The following RAD51B variants were observed in gnomAD, a reference collection of about 807,000 sequenced individuals.
RAD51B encodes the protein RAD51 paralog B, also known as DNA repair protein RAD51 homolog 2.
Under a neutral mutation model 42.2 loss-of-function variants are expected in RAD51B, and 38 were observed. The ratio of observed to expected loss-of-function variants is 0.90; its 90% CI spans 0.70 to 1.18. RAD51B has a LOEUF of 1.18. Ranked by LOEUF, RAD51B falls within the 50% of genes most tolerant of loss-of-function variation. The pLI, the probability that RAD51B is intolerant of heterozygous loss-of-function variation, is 0.00. For synonymous variants in RAD51B, 154 were observed against 145.2 expected, an observed-to-expected ratio of 1.06 and a Z score of -0.43; for missense variants, 373 against 400.7, an observed-to-expected ratio of 0.93 and a Z score of 0.59.
At chr14:68,166,168 C>CT (rs71129871) in intron 7 of RAD51B, among the ~76,000 whole-genome samples, 100,129 of 132,000 alleles carry the variant, frequency 0.76, 38,188 homozygotes, top group East Asian at 0.94. Flanking sequence ...TATTTCTGCT[C>CT]TTTTTTTTTT....
At chr14:68,135,713 G>T (rs1595451377) in intron 7 of RAD51B, among the ~76,000 whole-genome samples, 1 of 152,048 alleles carries the variant, frequency 6.6e-6, no homozygotes, top group East Asian at 1.9e-4. Flanking sequence ...CTTTGGGAGT[G>T]GTTACATTCC....
At chr14:68,450,158 G>T (rs1200294242) in intron 9 of RAD51B, among the ~76,000 whole-genome samples, 1 of 150,990 alleles carries the variant, frequency 6.6e-6, no homozygotes, top group African/African-American at 2.4e-5. Flanking sequence ...GGAGCAGAGG[G>T]GTGACAGAAT....
Position 68,555,655 on chromosome 14 carries a change from G to A in RAD51B, c.1037-38830G>A, listed in dbSNP as rs114301734. 3.6e-3 allele frequency among the ~76,000 whole-genome samples: 552 copies of A among 152,268 alleles called. 7 individuals are homozygous for A. The highest frequency in any genetic ancestry group is 0.013 in the African/African-American group (529 of 41,540). Reference sequence around the variant, plus strand: ...TGCAAAGGATCCCTTCTCTTCAGCCGGGGCACTGCTGAGTTACTTACTCAC... The same window carrying A: ...TGCAAAGGATCCCTTCTCTTCAGCCAGGGCACTGCTGAGTTACTTACTCAC... On this transcript the variant is annotated intron_variant, in intron 10 of 10. Transcript: ENST00000487270.
intron 9 of RAD51B, among the ~76,000 whole-genome samples, chr14:68,446,288 G>A (rs954142860): frequency 1.1e-4 from 16 of 152,216 alleles, no homozygotes; most frequent in African/African-American, 2.9e-4. Flanking sequence ...GTAAATGGTA[G>A]AAAAGAGACT....
intron 7 of RAD51B, among the ~76,000 whole-genome samples, chr14:67,999,521 T>C (rs78773195): frequency 0.17 from 26,155 of 152,160 alleles, 2,419 homozygotes; most frequent in Middle Eastern, 0.35. Flanking sequence ...CATGAAATTA[T>C]ATAAAGGCCA....
chr14:68,278,009 T>G (rs963909886), intron 7 of RAD51B, among the ~76,000 whole-genome samples: 1 of 152,212 alleles, frequency 6.6e-6, no homozygotes, highest in African/African-American at 2.4e-5. Context: ...TCCCAAAATG[T>G]TGGGATTACA....
intron 7 of RAD51B, among the ~76,000 whole-genome samples, chr14:67,995,077 C>G (rs556669164): frequency 2.0e-5 from 3 of 152,068 alleles, no homozygotes. Context: ...ATTAAGGGAT[C>G]TTCAGGATTT....
intron 10 of RAD51B, among the ~76,000 whole-genome samples, chr14:68,643,224 T>C (rs1892498848): frequency 6.6e-6 from 1 of 152,248 alleles, no homozygotes; most frequent in African/African-American, 2.4e-5. Context: ...TTATTATATC[T>C]TATTGGAGGG....
intron 7 of RAD51B, among the ~76,000 whole-genome samples, chr14:68,114,658 G>T (rs1043447870): frequency 6.6e-6 from 1 of 152,024 alleles, no homozygotes; most frequent in Non-Finnish European, 1.5e-5. Flanking sequence ...ATTGTCATGG[G>T]TTTAATGTAC....
At chr14:68,578,657 A>G (rs2140054228) in intron 10 of RAD51B, among the ~76,000 whole-genome samples, 1 of 152,266 alleles carries the variant, frequency 6.6e-6, no homozygotes, top group South Asian at 2.1e-4. Flanking sequence ...CCTTATAATG[A>G]TATAAAGGAG....
chr14:68,076,585 G>C (rs1008829337), intron 7 of RAD51B, among the ~76,000 whole-genome samples: 3 of 152,202 alleles, frequency 2.0e-5, no homozygotes, highest in African/African-American at 7.2e-5. Flanking sequence ...CAAGAAATTA[G>C]AACTGGCTTC....
chr14:68,459,158 C>T (rs920309542), intron 9 of RAD51B, among the ~76,000 whole-genome samples: 6 of 152,200 alleles, frequency 3.9e-5, no homozygotes, highest in Non-Finnish European at 8.8e-5. Context: ...TCATTCCAGT[C>T]ACAGATCTTC....
At chr14:67,877,080 G>A (rs894940257) in intron 5 of RAD51B, among the ~76,000 whole-genome samples, 3 of 152,078 alleles carry the variant, frequency 2.0e-5, no homozygotes, top group Non-Finnish European at 4.4e-5. Flanking sequence ...GGAATTTGTA[G>A]GGGGGTGCAA....
chr14:67,855,319 C>G (rs1025033356), intron 4 of RAD51B, among the ~76,000 whole-genome samples: 1 of 151,980 alleles, frequency 6.6e-6, no homozygotes, highest in Non-Finnish European at 1.5e-5. Context: ...TAAGCTCCGC[C>G]TCCCGGGTTC....
intron 7 of RAD51B, among the ~76,000 whole-genome samples, chr14:67,926,292 T>A (rs181732174): frequency 1.1e-3 from 169 of 152,318 alleles, no homozygotes; most frequent in African/African-American, 3.9e-3. Flanking sequence ...AGAAATTTTT[T>A]ACACCAGATA....
intron 7 of RAD51B, among the ~76,000 whole-genome samples, chr14:67,988,825 T>G (rs1435755652): frequency 6.6e-6 from 1 of 152,242 alleles, no homozygotes; most frequent in Non-Finnish European, 1.5e-5. Context: ...TTGATTACTA[T>G]ACACTTAGAC....
intron 11 of RAD51B, among the ~76,000 whole-genome samples, chr14:68,669,485 C>T (rs1220449435): frequency 1.3e-5 from 2 of 152,198 alleles, no homozygotes; most frequent in African/African-American, 4.8e-5. Flanking sequence ...AACAGGAAGA[C>T]ATTTGCCCAC....
At chr14:68,403,130 T>A (rs980734432) in intron 8 of RAD51B, among the ~76,000 whole-genome samples, 4 of 152,216 alleles carry the variant, frequency 2.6e-5, no homozygotes, top group African/African-American at 9.7e-5. Context: ...ATTTCAATCC[T>A]GAAAACATTT....
chr14:68,241,439 G>A (rs375700079), intron 7 of RAD51B, among the ~76,000 whole-genome samples: 2 of 152,232 alleles, frequency 1.3e-5, no homozygotes, highest in African/African-American at 4.8e-5. Context: ...CTACTCGGGA[G>A]GCTGAGGCAG....
Sources: allele counts gnomAD v4.1 joint callset (sites outside exome capture counted in the v4.1 genomes callset), GRCh38; gene constraint gnomAD v4.1.1; transcripts MANE v1.5; gene names NCBI Gene and HGNC (gene_info 2026-07-23, HGNC 2026-07-21).